The following SMAD2 variants were observed in gnomAD, a reference collection of about 807,000 sequenced individuals.
SMAD2 encodes the protein SMAD family member 2, also known as MAD homolog 2.
In SMAD2, 8 loss-of-function variants were observed where a neutral mutation model predicts 64.4. The observed-to-expected ratio is 0.12, with a 90% CI of 0.07 to 0.22. The LOEUF (loss-of-function observed/expected upper bound fraction) is 0.22. SMAD2 is among the 10% of genes least tolerant of loss of function. The pLI, the probability that SMAD2 is intolerant of heterozygous loss-of-function variation, is 1.00. For missense variants in SMAD2, 289 were observed against 561.2 expected (o/e 0.51, Z 4.90); for synonymous variants, 203 against 195.8 (o/e 1.04, Z -0.31).
In SMAD2 at chr18:47,816,686, T is replaced by C. The variant is rs180948321; in HGVS notation, c.*25141A>G. 2 of 152,136 alleles carry C rather than the reference T, an allele frequency of 1.3e-5. No homozygotes were observed. Among genetic ancestry groups the C allele is most frequent in the South Asian group, 2.1e-4 (1 of 4,820 alleles). The allele number at this position is 152,136 out of a possible 1,614,324, so 9.4% of individuals were successfully genotyped here. ...AACGACAATTATTTCAAAACAATTATACAACCCTCATTTTTCTTTAAAATC... is the reference window on the plus strand; with the variant it reads ...AACGACAATTATTTCAAAACAATTACACAACCCTCATTTTTCTTTAAAATC... On this transcript the variant is annotated 3_prime_UTR_variant, in exon 11 of 11. Transcript: ENST00000262160.
chr18:47,913,076 C>G (rs995269589), intron 1 of SMAD2, among the ~76,000 whole-genome samples: 1 of 151,988 alleles, frequency 6.6e-6, no homozygotes, highest in Non-Finnish European at 1.5e-5. Flanking sequence ...CGCGTCAACA[C>G]GCTCGGCTAA....
rs2032013599 is a variant in SMAD2, at chr18:47,872,712, T to G, written c.237-2148A>C. 2.0e-5 allele frequency among the ~76,000 whole-genome samples: 3 copies of G among 152,064 alleles called. No homozygotes were observed. The South Asian group carries it at 6.2e-4, about 32-fold the overall frequency. ...ATTGTGAACTGCACATGCGAGGGCTTTAGGCTGGGCACTCCTTAAGAGAAT... is the reference window on the plus strand; with the variant it reads ...ATTGTGAACTGCACATGCGAGGGCTGTAGGCTGGGCACTCCTTAAGAGAAT... On this transcript the variant is annotated intron_variant, in intron 2 of 10. Coordinates refer to ENST00000262160, the MANE Select transcript of SMAD2 (RefSeq NM_005901.6).
chr18:47,850,346 TATTATAC>T (rs1915122127), intron 7 of SMAD2, among the ~76,000 whole-genome samples: 1 of 51,904 alleles, frequency 1.9e-5, no homozygotes, highest in African/African-American at 9.2e-5. Context: ...ATGTTATATA[TATTATAC>T]ATAATATGTA....
At chr18:47,879,493 GACGTGT>G (rs1411100315) in intron 2 of SMAD2, among the ~76,000 whole-genome samples, 1 of 62,654 alleles carries the variant, frequency 1.6e-5, no homozygotes, top group Non-Finnish European at 3.3e-5. Context: ...TAATGTATAT[GACGTGT>G]GTGTGTGTGT....
chr18:47,921,580 G>A (rs761468314), intron 1 of SMAD2, among the ~76,000 whole-genome samples: 3 of 152,214 alleles, frequency 2.0e-5, no homozygotes, highest in Non-Finnish European at 2.9e-5. Flanking sequence ...CCTCCATAGA[G>A]AGGTCTGAGG....
At chr18:47,847,111 G>A (rs1335647561) in intron 8 of SMAD2, among the ~76,000 whole-genome samples, 1 of 152,090 alleles carries the variant, frequency 6.6e-6, no homozygotes, top group Non-Finnish European at 1.5e-5. Flanking sequence ...ACTTTGGAGG[G>A]AGAAGAGAAT....
intron 2 of SMAD2, among the ~76,000 whole-genome samples, chr18:47,879,088 A>G (rs1226365429): frequency 6.6e-6 from 1 of 152,156 alleles, no homozygotes; most frequent in Admixed American, 6.6e-5. Context: ...CACTGCACTC[A>G]CTCCATCTTG....
At chr18:47,849,014 A>G (rs1351239151) in intron 7 of SMAD2, among the ~76,000 whole-genome samples, 2 of 152,212 alleles carry the variant, frequency 1.3e-5, no homozygotes, top group East Asian at 3.8e-4. Flanking sequence ...AGGCAAAGTC[A>G]GTCAACTTGC....
chr18:47,928,107 C>T (rs1253200726), intron 1 of SMAD2, among the ~76,000 whole-genome samples: 3 of 152,038 alleles, frequency 2.0e-5, no homozygotes, highest in African/African-American at 7.2e-5. Flanking sequence ...CCCCTCTACC[C>T]TCTAAAAATG....
chr18:47,911,809 G>A (rs565234071), intron 1 of SMAD2, among the ~76,000 whole-genome samples: 2 of 152,298 alleles, frequency 1.3e-5, no homozygotes, highest in Non-Finnish European at 2.9e-5. Context: ...ACTGTAGTAT[G>A]TAACTTGATA....
chr18:47,841,680 C>T lies in SMAD2; in HGVS notation c.*147G>A. The T allele has an allele frequency of 1.3e-6, 1 of 798,774 alleles. No homozygotes were observed. The highest frequency in any genetic ancestry group is 2.1e-6 in the Non-Finnish European group (1 of 474,278). 49.5% of individuals were successfully genotyped at this position (798,774 alleles called of 1,614,324 possible). Reference sequence around the variant, plus strand: ...AATATTCAAATATAGGAAACAGATTCCACAAGGTGCTTTAATTGATGAGAC... The same window carrying T: ...AATATTCAAATATAGGAAACAGATTTCACAAGGTGCTTTAATTGATGAGAC... On this transcript the variant is annotated 3_prime_UTR_variant, in exon 11 of 11. Transcript: ENST00000262160.
chr18:47,891,878 A>G (rs1329072823), intron 2 of SMAD2, among the ~76,000 whole-genome samples: 1 of 152,174 alleles, frequency 6.6e-6, no homozygotes, highest in African/African-American at 2.4e-5. Flanking sequence ...GCTGACTATA[A>G]AAGTGATATA....
chr18:47,905,560 G>A (rs1159375946), intron 1 of SMAD2, among the ~76,000 whole-genome samples: 1 of 151,960 alleles, frequency 6.6e-6, no homozygotes, highest in South Asian at 2.1e-4. Flanking sequence ...GTAATCAAGA[G>A]TATAGAGTAG....
chr18:47,907,462 A>G (rs1248148458), intron 1 of SMAD2, among the ~76,000 whole-genome samples: 1 of 152,204 alleles, frequency 6.6e-6, no homozygotes, highest in East Asian at 1.9e-4. Context: ...TAATCTAATG[A>G]CAAGTCAAGA....
rs557581495 is a variant in SMAD2, at chr18:47,854,768, C to T, written c.731-3441G>A. Among the ~76,000 whole-genome samples, 13 of 152,128 alleles carry T rather than the reference C, an allele frequency of 8.5e-5. No homozygotes were observed. In the South Asian group the frequency reaches 2.7e-3, roughly 32 times the overall value. ...CTGAACAGAAAGTACAAAAAGCTCC[C>T]ATATGACCCCTGCCCTGCTTCCCCA... On this transcript the variant is annotated intron_variant, in intron 6 of 10. Transcript: ENST00000262160.
chr18:47,900,559 C>A (rs1446256768), intron 1 of SMAD2, among the ~76,000 whole-genome samples: 1 of 152,134 alleles, frequency 6.6e-6, no homozygotes, highest in Non-Finnish European at 1.5e-5. Flanking sequence ...TTTCAAAGAA[C>A]CAACTTTTTC....
intron 1 of SMAD2, among the ~76,000 whole-genome samples, chr18:47,927,471 G>A (rs1450130816): frequency 2.6e-5 from 4 of 152,200 alleles, no homozygotes; most frequent in Non-Finnish European, 5.9e-5. Flanking sequence ...CAAGGGACAT[G>A]AGTTTCCACT....
At position 47,825,213 on chromosome 18, in the gene SMAD2, T is replaced by A. The variant is rs1032250362; in HGVS notation, c.*16614A>T. The A allele has an allele frequency of 6.6e-6, 1 of 152,126 alleles. No homozygotes were observed. The highest frequency in any genetic ancestry group is 2.4e-5 in the African/African-American group (1 of 41,418). The allele number at this position is 152,126 out of a possible 1,614,324, so 9.4% of individuals were successfully genotyped here. On this transcript the variant is annotated 3_prime_UTR_variant, in exon 11 of 11. Transcript: ENST00000262160. Reference sequence around the variant, plus strand: ...AAAATATATTAAGTTACCTGAACATTTGGGTAGAAATACTGAGCACTGCTA... The same window carrying A: ...AAAATATATTAAGTTACCTGAACATATGGGTAGAAATACTGAGCACTGCTA...
chr18:47,846,468 T>C (rs1914500390), intron 8 of SMAD2, among the ~76,000 whole-genome samples: 1 of 152,202 alleles, frequency 6.6e-6, no homozygotes, highest in South Asian at 2.1e-4. Context: ...AATCAAACAC[T>C]AGGTGCTGCT....
Sources: gnomAD v4.1 joint callset for allele counts (sites outside exome capture counted in the v4.1 genomes callset) on GRCh38, gnomAD v4.1.1 for gene constraint, MANE v1.5 for transcripts, NCBI Gene and HGNC (gene_info 2026-07-23, HGNC 2026-07-21) for gene names.